The following TCF4 variants were observed in gnomAD, a reference collection of about 807,000 sequenced individuals.
TCF4 encodes the protein SL3-3 enhancer factor 2.
Under a neutral mutation model 82.1 loss-of-function variants are expected in TCF4, and 3 were observed. The ratio of observed to expected loss-of-function variants is 0.04; its 90% CI spans 0.02 to 0.09. TCF4 has a LOEUF of 0.09. Ranked by LOEUF, TCF4 falls within the 10% of genes least tolerant of loss-of-function variation. The pLI is 1.00. For synonymous variants in TCF4, 276 were observed against 309.6 expected, an observed-to-expected ratio of 0.89 and a Z score of 1.14; for missense variants, 518 against 852.7, an observed-to-expected ratio of 0.61 and a Z score of 4.89.
At chr18:55,566,105 C>G (rs688483) in intron 3 of TCF4, among the ~76,000 whole-genome samples, 2 of 150,976 alleles carry the variant, frequency 1.3e-5, no homozygotes, top group Non-Finnish European at 3.0e-5. Context: ...CCCAGCTACT[C>G]GGGAGGCTGA....
intron 3 of TCF4, among the ~76,000 whole-genome samples, chr18:55,498,650 G>GT (rs1247414260): frequency 6.6e-6 from 1 of 152,156 alleles, no homozygotes; most frequent in African/African-American, 2.4e-5. Context: ...GCTGACTTTT[G>GT]TTTCCCACGC....
At chr18:55,275,072 G>C (rs2061195587) in intron 10 of TCF4, among the ~76,000 whole-genome samples, 1 of 151,936 alleles carries the variant, frequency 6.6e-6, no homozygotes, top group South Asian at 2.1e-4. Flanking sequence ...CTGAAAAATG[G>C]GAATCTGATC....
intron 3 of TCF4, among the ~76,000 whole-genome samples, chr18:55,536,919 G>A (rs1360097013): frequency 6.6e-6 from 1 of 151,568 alleles, no homozygotes; most frequent in Non-Finnish European, 1.5e-5. Context: ...CAGATCACGA[G>A]GTCAGGAGAT....
chr18:55,581,109 A>ATT (rs1364690473), intron 3 of TCF4, among the ~76,000 whole-genome samples: 1 of 151,940 alleles, frequency 6.6e-6, no homozygotes, highest in Non-Finnish European at 1.5e-5. Context: ...CAAACCTAAA[A>ATT]AAGTTTTCAG....
At chr18:55,466,848 G>C (rs1198645217) in intron 3 of TCF4, among the ~76,000 whole-genome samples, 1 of 152,196 alleles carries the variant, frequency 6.6e-6, no homozygotes, top group Non-Finnish European at 1.5e-5. Context: ...AATTAAAAAT[G>C]CTGGAAGTCT....
At chr18:55,314,276 T>C (rs555503771) in intron 8 of TCF4, among the ~76,000 whole-genome samples, 2 of 152,252 alleles carry the variant, frequency 1.3e-5, no homozygotes, top group Admixed American at 6.5e-5. Flanking sequence ...CCTCCACTTC[T>C]GTAATAACAG....
chr18:55,512,748 C>CTACTGTGTATACTGTGTA (rs1356180992), intron 3 of TCF4, among the ~76,000 whole-genome samples: 1 of 151,958 alleles, frequency 6.6e-6, no homozygotes, highest in African/African-American at 2.4e-5. Context: ...GATTATTCTA[C>CTACTGTGTATACTGTGTA]TACTGTGTAT....
At chr18:55,329,321 T>A (rs537595965) in intron 8 of TCF4, among the ~76,000 whole-genome samples, 1 of 152,316 alleles carries the variant, frequency 6.6e-6, no homozygotes, top group Non-Finnish European at 1.5e-5. Flanking sequence ...CTCTTCATTC[T>A]GTTAATCAAA....
chr18:55,624,743 T>A (rs1344771425), intron 2 of TCF4, among the ~76,000 whole-genome samples: 1 of 152,206 alleles, frequency 6.6e-6, no homozygotes, highest in Non-Finnish European at 1.5e-5. Context: ...CCTCTAGCTA[T>A]GTTCTTACAT....
At chr18:55,386,643 G>T (rs559470741) in intron 6 of TCF4, among the ~76,000 whole-genome samples, 2 of 152,268 alleles carry the variant, frequency 1.3e-5, no homozygotes, top group Non-Finnish European at 2.9e-5. Context: ...CAAGGAAAAA[G>T]AAATATGTTT....
intron 6 of TCF4, among the ~76,000 whole-genome samples, chr18:55,357,647 C>A (rs1394823795): frequency 6.6e-6 from 1 of 152,172 alleles, no homozygotes; most frequent in Non-Finnish European, 1.5e-5. Context: ...CAAACTGTCA[C>A]AAGTCAGTCT....
chr18:55,488,366 G>A (rs904661798), intron 3 of TCF4, among the ~76,000 whole-genome samples: 3 of 152,030 alleles, frequency 2.0e-5, no homozygotes, highest in African/African-American at 4.8e-5. Context: ...ATATAGAAAC[G>A]ATTACATAAA....
intron 5 of TCF4, among the ~76,000 whole-genome samples, chr18:55,417,070 G>A (rs772070507): frequency 1.3e-4 from 20 of 152,228 alleles, no homozygotes; most frequent in Admixed American, 2.6e-4. Context: ...GCCCGACGAC[G>A]GAAGAGGGGA....
chr18:55,425,923 A>G (rs1556314881), intron 5 of TCF4, among the ~76,000 whole-genome samples: 1 of 152,020 alleles, frequency 6.6e-6, no homozygotes, highest in Non-Finnish European at 1.5e-5. Context: ...TTAAACTACC[A>G]CTCTACAGGA....
In TCF4 at chr18:55,226,773, AACTTT is replaced by A. The variant is rs960073863; in HGVS notation, c.*1257_*1261del. ...CAATTTTCTCATTTGACGGTTTTTG[AACTTT>A]ACTTGTTTTTTTTGTTTTTGTTTTT... On this transcript the variant is annotated 3_prime_UTR_variant, in exon 20 of 20. Coordinates refer to ENST00000354452, the MANE Select transcript of TCF4 (RefSeq NM_001083962.2). 5 of 152,484 alleles carry A rather than the reference AACTTT, an allele frequency of 3.3e-5. No individual in the cohort carries two copies. Among genetic ancestry groups the A allele is most frequent in the African/African-American group, 1.2e-4 (5 of 41,498 alleles). 9.4% of individuals were successfully genotyped at this position (152,484 alleles called of 1,614,324 possible).
At chr18:55,417,921 T>TCA (rs2094577771) in intron 5 of TCF4, among the ~76,000 whole-genome samples, 1 of 152,016 alleles carries the variant, frequency 6.6e-6, no homozygotes, top group Non-Finnish European at 1.5e-5. Context: ...GAAACAGCTT[T>TCA]CAGTAGAAGT....
chr18:55,312,650 G>A lies in TCF4; in HGVS notation c.550-32994C>T, dbSNP rs183393585. Among the ~76,000 whole-genome samples the A allele has an allele frequency of 3.9e-5, 6 of 152,280 alleles. No individual in the cohort carries two copies. In the East Asian group the frequency reaches 1.2e-3, roughly 29 times the overall value. Reference sequence around the variant, plus strand: ...TGATTTTATCAGCAAAAGTGACACTGTAAAGTTGGGCCAAGAGGATCTGCT... The same window carrying A: ...TGATTTTATCAGCAAAAGTGACACTATAAAGTTGGGCCAAGAGGATCTGCT... On this transcript the variant is annotated intron_variant, in intron 8 of 19. Coordinates refer to ENST00000354452, the MANE Select transcript of TCF4 (RefSeq NM_001083962.2).
rs993457884 is a variant in TCF4 at position 55,261,510 on chromosome 18, C to T, written c.946G>A (p.Gly316Ser). 6 of 1,613,770 alleles carry T rather than the reference C, an allele frequency of 3.7e-6. No homozygotes were observed. The highest frequency in any genetic ancestry group is 1.3e-5 in the African/African-American group (1 of 74,892). The change falls in exon 12 of 20, where the codon GGC becomes AGC. Residue 316 changes from glycine (G) to serine (S), a missense_variant. Gly to Ser is a moderately conservative substitution (Grantham distance 56). Transcript: ENST00000354452. ...IMANRGSGAA[G>S]SSQTGDALGK... is the part of the protein sequence containing the mutation. ...AGAGCATCTCCAGTCTGGGAGCTGC[C>T]GGCTGCCCCGCTTCCTCTATTTGCT...
intron 6 of TCF4, among the ~76,000 whole-genome samples, chr18:55,369,700 CA>C (rs1369561940): frequency 6.6e-6 from 1 of 151,490 alleles, no homozygotes; most frequent in Non-Finnish European, 1.5e-5. Flanking sequence ...GGCATTAAGA[CA>C]AAAAAAGTTG....
Sources: gnomAD v4.1 joint callset for allele counts (sites outside exome capture counted in the v4.1 genomes callset) on GRCh38, gnomAD v4.1.1 for gene constraint, MANE v1.5 for transcripts, NCBI Gene and HGNC (gene_info 2026-07-23, HGNC 2026-07-21) for gene names.